GRIK1: variants seen among roughly 807,000 people sequenced by gnomAD.
GRIK1 encodes glutamate receptor ionotropic, kainate 1.
In GRIK1, 69 loss-of-function variants were observed where a neutral mutation model predicts 105.7. The observed-to-expected ratio is 0.65, with a 90% CI of 0.54 to 0.80. GRIK1 has a LOEUF of 0.80. Among genes scored for constraint, GRIK1 ranks in the 30% least tolerant of loss-of-function variants. The pLI is 0.00. For missense variants in GRIK1, 1,109 were observed against 1,167.3 expected (o/e 0.95, Z 0.73); for synonymous variants, 438 against 431.3 (o/e 1.02, Z -0.19).
At chr21:29,938,531 T>C (rs916921219) in intron 1 of GRIK1, among the ~76,000 whole-genome samples, 5 of 152,206 alleles carry the variant, frequency 3.3e-5, no homozygotes, top group South Asian at 2.1e-4. Context: ...TATACACTTA[T>C]GGCTGTCAGT....
intron 8 of GRIK1, among the ~76,000 whole-genome samples, chr21:29,597,983 A>G (rs363462): frequency 1.3e-5 from 2 of 152,314 alleles, no homozygotes; most frequent in East Asian, 3.9e-4. Context: ...TACATTAAGC[A>G]CACTGTCTTA....
intron 1 of GRIK1, among the ~76,000 whole-genome samples, chr21:29,755,998 C>A (rs2065328315): frequency 6.6e-6 from 1 of 152,188 alleles, no homozygotes; most frequent in Admixed American, 6.5e-5. Context: ...TTATAAAAAC[C>A]TCTTAAAGAA....
At chr21:29,651,834 T>C (rs2146561392) in intron 5 of GRIK1, among the ~76,000 whole-genome samples, 1 of 151,936 alleles carries the variant, frequency 6.6e-6, no homozygotes, top group South Asian at 2.1e-4. Flanking sequence ...TCAGAACATA[T>C]ACCCATTGGA....
At chr21:29,648,703 G>A (rs574314972) in intron 6 of GRIK1, among the ~76,000 whole-genome samples, 3 of 152,172 alleles carry the variant, frequency 2.0e-5, no homozygotes, top group Admixed American at 2.0e-4. Context: ...TAACACGTCA[G>A]GTCATAAGGG....
intron 1 of GRIK1, among the ~76,000 whole-genome samples, chr21:29,866,613 A>G (rs914420124): frequency 1.3e-5 from 2 of 152,178 alleles, no homozygotes; most frequent in African/African-American, 4.8e-5. Flanking sequence ...TTTGGATCTA[A>G]AATTGGGAAG....
At chr21:29,665,130 T>C (rs541508447) in intron 4 of GRIK1, among the ~76,000 whole-genome samples, 1 of 152,280 alleles carries the variant, frequency 6.6e-6, no homozygotes, top group East Asian at 1.9e-4. Flanking sequence ...CCAATTCAGG[T>C]TGAAGCAAAT....
At chr21:29,753,195 C>A (rs1289776664) in intron 1 of GRIK1, among the ~76,000 whole-genome samples, 2 of 152,098 alleles carry the variant, frequency 1.3e-5, no homozygotes, top group Non-Finnish European at 2.9e-5. Flanking sequence ...TAGTTAATAA[C>A]AATTTTATAA....
intron 7 of GRIK1, among the ~76,000 whole-genome samples, chr21:29,641,745 T>G (rs1429983503): frequency 6.6e-6 from 1 of 152,206 alleles, no homozygotes; most frequent in Non-Finnish European, 1.5e-5. Context: ...AACCTAGATT[T>G]GTAGCCTAGG....
At chr21:29,748,877 A>G (rs1318244720) in intron 1 of GRIK1, 1 of 152,246 alleles carries the variant, frequency 6.6e-6, no homozygotes, top group Non-Finnish European at 1.5e-5. Flanking sequence ...TAAGAAAATT[A>G]AAACCACAGA....
At chr21:29,803,418 T>G (rs2066768184) in intron 1 of GRIK1, among the ~76,000 whole-genome samples, 1 of 152,172 alleles carries the variant, frequency 6.6e-6, no homozygotes, top group African/African-American at 2.4e-5. Flanking sequence ...CATTACATTC[T>G]TTACATTTCC....
intron 4 of GRIK1, among the ~76,000 whole-genome samples, chr21:29,668,037 A>T (rs1304508279): frequency 6.6e-6 from 1 of 152,230 alleles, no homozygotes; most frequent in Non-Finnish European, 1.5e-5. Flanking sequence ...GTGGGGTAGA[A>T]GAAAATATGA....
Position 29,689,954 on chromosome 21 carries a change from A to T in GRIK1, c.318T>A (p.Ala106=), listed in dbSNP as rs559822395. 7.5e-6 allele frequency: 12 copies of T among 1,610,432 alleles called. No individual in the cohort carries two copies. The South Asian group carries it at 1.2e-4, about 16-fold the overall frequency. ...ACDQLALGVA[A]LFGPSHSSSV... is the part of the protein sequence containing the mutation. ...AGGAGCTATGGGAAGGGCCAAAGAGAGCAGCCACACCAAGAGCCAGCTGGT... is the reference window on the plus strand; with the variant it reads ...AGGAGCTATGGGAAGGGCCAAAGAGTGCAGCCACACCAAGAGCCAGCTGGT... The change falls in exon 3 of 18, where the codon GCT becomes GCA. Residue 106 remains alanine (A), a synonymous_variant. Coordinates refer to ENST00000327783, the MANE Select transcript of GRIK1 (RefSeq NM_001330994.2).
At chr21:29,898,864 C>G (rs997761205) in intron 1 of GRIK1, among the ~76,000 whole-genome samples, 3 of 151,732 alleles carry the variant, frequency 2.0e-5, no homozygotes, top group Non-Finnish European at 4.4e-5. Context: ...CAATGAGATT[C>G]GGGAGGCTAA....
At chr21:29,895,965 C>T (rs2146240193) in intron 1 of GRIK1, among the ~76,000 whole-genome samples, 1 of 152,308 alleles carries the variant, frequency 6.6e-6, no homozygotes, top group South Asian at 2.1e-4. Context: ...ACACTGACCT[C>T]TGTGTTGTCC....
chr21:29,570,845 T>TA, intron 14 of GRIK1, among the ~76,000 whole-genome samples: 1 of 149,560 alleles, frequency 6.7e-6, no homozygotes, highest in Non-Finnish European at 1.5e-5. Flanking sequence ...TAGAGTTGCT[T>TA]TTTTTTTTTT....
intron 13 of GRIK1, among the ~76,000 whole-genome samples, chr21:29,578,626 C>T (rs780059140): frequency 6.6e-5 from 10 of 152,052 alleles, no homozygotes; most frequent in African/African-American, 1.9e-4. Context: ...TTCCTTCTGT[C>T]GTTTGTTTGA....
chr21:29,670,242 T>G (rs1194585448), intron 4 of GRIK1, among the ~76,000 whole-genome samples: 2 of 152,134 alleles, frequency 1.3e-5, no homozygotes, highest in Non-Finnish European at 2.9e-5. Context: ...CTCTTAACAC[T>G]AAAATGATTA....
chr21:29,713,663 C>T (rs1417728407), intron 1 of GRIK1, among the ~76,000 whole-genome samples: 1 of 152,138 alleles, frequency 6.6e-6, no homozygotes, highest in Non-Finnish European at 1.5e-5. Flanking sequence ...AGATACACTT[C>T]CTAAACTCTT....
intron 1 of GRIK1, among the ~76,000 whole-genome samples, chr21:29,729,121 G>T (rs940101907): frequency 6.6e-6 from 1 of 152,122 alleles, no homozygotes; most frequent in Non-Finnish European, 1.5e-5. Flanking sequence ...ATTCCCCAAA[G>T]CTTCCTTGAC....
Sources: allele counts gnomAD v4.1 joint callset (sites outside exome capture counted in the v4.1 genomes callset), GRCh38; gene constraint gnomAD v4.1.1; transcripts MANE v1.5; gene names NCBI Gene and HGNC (gene_info 2026-07-23, HGNC 2026-07-21).